The following EPHA6 variants were observed in gnomAD, a reference collection of about 807,000 sequenced individuals.
EPHA6 encodes the protein ephrin type-A receptor 6.
Under a neutral mutation model 112.0 loss-of-function variants are expected in EPHA6, and 50 were observed. The observed-to-expected ratio is 0.45, with a 90% CI of 0.36 to 0.56. The LOEUF (loss-of-function observed/expected upper bound fraction) is 0.56, where lower values mean the gene tolerates loss of function less well. Among genes scored for constraint, EPHA6 ranks in the 20% least tolerant of loss-of-function variants. The pLI, the probability that EPHA6 is intolerant of heterozygous loss-of-function variation, is 0.00. For synonymous variants in EPHA6, 529 were observed against 490.7 expected (o/e 1.08, Z -1.03); for missense variants, 1,280 against 1,417.4 (o/e 0.90, Z 1.56).
intron 14 of EPHA6, among the ~76,000 whole-genome samples, chr3:97,662,774 A>C (rs900011195): frequency 2.0e-4 from 30 of 152,256 alleles, no homozygotes; most frequent in Non-Finnish European, 3.7e-4. Flanking sequence ...ACAGATAAAT[A>C]AAGTACGCTG....
intron 3 of EPHA6, among the ~76,000 whole-genome samples, chr3:97,056,826 A>AG (rs1282703481): frequency 2.6e-5 from 4 of 152,148 alleles, no homozygotes; most frequent in Admixed American, 6.5e-5. Context: ...TTCATTTCTC[A>AG]TAGGTCTGTT....
intron 4 of EPHA6, among the ~76,000 whole-genome samples, chr3:97,237,630 C>T (rs2078719312): frequency 1.3e-5 from 2 of 151,996 alleles, no homozygotes; most frequent in Admixed American, 6.6e-5. Context: ...TGAAACAGAA[C>T]ATCCATAATT....
chr3:97,057,978 T>C (rs964087117), intron 3 of EPHA6, among the ~76,000 whole-genome samples: 1 of 152,190 alleles, frequency 6.6e-6, no homozygotes, highest in African/African-American at 2.4e-5. Context: ...TTTTCCTAAA[T>C]AATAATATTG....
intron 5 of EPHA6, among the ~76,000 whole-genome samples, chr3:97,401,241 G>A (rs1458498230): frequency 4.0e-5 from 6 of 151,510 alleles, no homozygotes; most frequent in Non-Finnish European, 5.9e-5. Flanking sequence ...TTCTTTAACA[G>A]GGTGGCTGTT....
intron 3 of EPHA6, among the ~76,000 whole-genome samples, chr3:97,031,633 A>G (rs1169574823): frequency 2.0e-5 from 3 of 152,178 alleles, no homozygotes; most frequent in African/African-American, 2.4e-5. Context: ...AAAAGTGGGC[A>G]AAGGACATGA....
chr3:97,332,493 G>A (rs2082850128), intron 5 of EPHA6, among the ~76,000 whole-genome samples: 1 of 152,122 alleles, frequency 6.6e-6, no homozygotes. Context: ...TGACATGATT[G>A]TATATCTAGA....
intron 3 of EPHA6, among the ~76,000 whole-genome samples, chr3:97,093,556 A>G (rs2047140086): frequency 6.6e-6 from 1 of 152,154 alleles, no homozygotes; most frequent in East Asian, 1.9e-4. Context: ...TCTCAAAAAA[A>G]AATAAAATAA....
chr3:97,725,399 T>C (rs1275394079), intron 15 of EPHA6, among the ~76,000 whole-genome samples: 2 of 152,078 alleles, frequency 1.3e-5, no homozygotes, highest in African/African-American at 4.8e-5. Flanking sequence ...TTAGAGGTGG[T>C]CAGAGCATTG....
At chr3:97,068,767 G>A (rs1379589545) in intron 3 of EPHA6, among the ~76,000 whole-genome samples, 4 of 151,990 alleles carry the variant, frequency 2.6e-5, no homozygotes, top group Non-Finnish European at 4.4e-5. Context: ...GACAGAACTA[G>A]TGTCCTTATA....
At chr3:97,423,178 GA>G (rs1183594689) in intron 6 of EPHA6, among the ~76,000 whole-genome samples, 3 of 152,078 alleles carry the variant, frequency 2.0e-5, no homozygotes, top group Admixed American at 6.5e-5. Context: ...AGGAAGAAAT[GA>G]AAGGCATTCA....
At chr3:96,815,172 C>T (rs1257273388) in intron 1 of EPHA6, among the ~76,000 whole-genome samples, 164 bp downstream of exon 1, 2 of 152,134 alleles carry the variant, frequency 1.3e-5, no homozygotes, top group African/African-American at 2.4e-5. Context: ...GCCCTGTTTA[C>T]ACCGCCCGGG....
At chr3:97,191,472 G>A (rs1381249164) in intron 3 of EPHA6, among the ~76,000 whole-genome samples, 4 of 151,188 alleles carry the variant, frequency 2.6e-5, no homozygotes, top group African/African-American at 9.7e-5. Context: ...CTCTCCCCCA[G>A]TACCTTCCCA....
chr3:96,951,845 T>C (rs2041549171), intron 2 of EPHA6, among the ~76,000 whole-genome samples: 1 of 152,074 alleles, frequency 6.6e-6, no homozygotes, highest in African/African-American at 2.4e-5. Context: ...ATATCTTAGG[T>C]CATATATTAT....
intron 15 of EPHA6, among the ~76,000 whole-genome samples, chr3:97,724,404 A>G (rs1327969860): frequency 6.6e-6 from 1 of 152,164 alleles, no homozygotes; most frequent in Non-Finnish European, 1.5e-5. Context: ...CTGCTTAGCC[A>G]TTCAGCAGTT....
At chr3:97,546,104 A>G (rs1320027148) in intron 11 of EPHA6, among the ~76,000 whole-genome samples, 5 of 152,158 alleles carry the variant, frequency 3.3e-5, no homozygotes, top group African/African-American at 4.8e-5. Flanking sequence ...TGATCCTATC[A>G]TTATGATGTT....
At chr3:96,856,036 C>G (rs1044968108) in intron 1 of EPHA6, among the ~76,000 whole-genome samples, 6 of 152,038 alleles carry the variant, frequency 3.9e-5, no homozygotes, top group African/African-American at 1.4e-4. Flanking sequence ...CCTAGGAATT[C>G]AAGATTAGCC....
intron 3 of EPHA6, among the ~76,000 whole-genome samples, chr3:97,133,406 T>G (rs1211695301): frequency 6.6e-6 from 1 of 152,084 alleles, no homozygotes; most frequent in East Asian, 1.9e-4. Context: ...AAATGTATTT[T>G]GTTCACATAT....
At position 97,759,784 on chromosome 3, in the gene EPHA6, T is replaced by C; in HGVS notation, c.*11083T>C. ...AAGGACGTATAGGTTGGAAGAGACATATGTAAGTAGTTGGATAGTAGGAAA... is the reference window on the plus strand; with the variant it reads ...AAGGACGTATAGGTTGGAAGAGACACATGTAAGTAGTTGGATAGTAGGAAA... On this transcript the variant is annotated 3_prime_UTR_variant, in exon 18 of 18. Coordinates refer to ENST00000389672, the MANE Select transcript of EPHA6 (RefSeq NM_001080448.3). 1 of 224,370 alleles carries C rather than the reference T, an allele frequency of 4.5e-6. No homozygotes were observed. Among genetic ancestry groups the C allele is most frequent in the Non-Finnish European group, 8.9e-6 (1 of 112,394 alleles). 13.9% of individuals were successfully genotyped at this position (224,370 alleles called of 1,614,324 possible).
In EPHA6 at chr3:97,756,071, C is replaced by A. The variant is rs2036017960; in HGVS notation, c.*7370C>A. Among the ~76,000 whole-genome samples, 1 of 151,926 alleles carries A rather than the reference C, an allele frequency of 6.6e-6. No individual in the cohort carries two copies. Among genetic ancestry groups the A allele is most frequent in the South Asian group, 2.1e-4 (1 of 4,832 alleles). On this transcript the variant is annotated 3_prime_UTR_variant, in exon 18 of 18. Transcript: ENST00000389672. Reference sequence around the variant, plus strand: ...ACACATCTTCATTCACTTAGAGAAGCCATAATATAATTCTTCATATTAGTT... The same window carrying A: ...ACACATCTTCATTCACTTAGAGAAGACATAATATAATTCTTCATATTAGTT...
Sources: allele counts gnomAD v4.1 joint callset (sites outside exome capture counted in the v4.1 genomes callset), GRCh38; gene constraint gnomAD v4.1.1; transcripts MANE v1.5; gene names NCBI Gene and HGNC (gene_info 2026-07-23, HGNC 2026-07-21).